The following ZIC4 variants were observed in gnomAD, a reference collection of about 807,000 sequenced individuals.
The protein encoded by ZIC4 is zinc finger protein ZIC 4.
In ZIC4, 15 loss-of-function variants were observed where a neutral mutation model predicts 28.8. That is an observed-to-expected ratio of 0.52 (90% CI 0.35 to 0.80). The LOEUF is 0.80. Ranked by LOEUF, ZIC4 falls within the 30% of genes least tolerant of loss-of-function variation. ZIC4 has a pLI of 0.01. For missense variants in ZIC4, 512 were observed against 467.1 expected, an observed-to-expected ratio of 1.10 and a Z score of -0.89; for synonymous variants, 220 against 198.1, an observed-to-expected ratio of 1.11 and a Z score of -0.93.
chr3:147,398,976 T>C (rs1020518541), intron 2 of ZIC4, among the ~76,000 whole-genome samples: 2 of 152,060 alleles, frequency 1.3e-5, no homozygotes, highest in Non-Finnish European at 1.5e-5. Context: ...GGGTGCACTT[T>C]AGGGAGGGAT....
In ZIC4 at chr3:147,396,371, G is replaced by C; in HGVS notation, c.169C>G (p.Arg57Gly). The change falls in exon 3 of 5, where the codon CGT becomes GGT. Residue 57 changes from arginine (R) to glycine (G), a missense_variant. By Grantham distance (125) the Arg-to-Gly change is moderately radical. This residue lies in a region of ZIC4 where 310 missense variants were observed against 256.5 expected (regional missense o/e 1.21). Transcript: ENST00000383075. The surrounding 1 kb of genome is among the most constrained non-coding windows in gnomAD (Gnocchi z 4.2). ...AGACGCAGGAGTCCATTCAAAGGAC[G>C]GCTGGGGGAGGCCTGGGGAGGCTCC... ...HEEPPQASPS[R>G]PLNGLLRLGL... 6.5e-7 allele frequency: 1 copy of C among 1,543,258 alleles called. No homozygotes were observed. Among genetic ancestry groups the C allele is most frequent in the East Asian group, 2.3e-5 (1 of 44,370 alleles).
rs765908678 is a variant in ZIC4, at chr3:147,402,800, T to C, written c.-3A>G. On this transcript the variant is annotated 5_prime_UTR_variant, in exon 2 of 5. Coordinates refer to ENST00000383075, the MANE Select transcript of ZIC4 (RefSeq NM_032153.6). Reference sequence around the variant, plus strand: ...ACCAAGGATGTCTTGTATCTCATTTTCTGACTTTGAGCCTGTTTGGGAAGA... The same window carrying C: ...ACCAAGGATGTCTTGTATCTCATTTCCTGACTTTGAGCCTGTTTGGGAAGA... 1 of 1,613,740 alleles carries C rather than the reference T, an allele frequency of 6.2e-7. No individual in the cohort carries two copies. The highest frequency in any genetic ancestry group is 1.7e-5 in the Admixed American group (1 of 59,954).
chr3:147,398,142 G>T (rs1357756620), intron 2 of ZIC4, among the ~76,000 whole-genome samples: 1 of 152,196 alleles, frequency 6.6e-6, no homozygotes, highest in African/African-American at 2.4e-5. Flanking sequence ...AAGGAGTCGG[G>T]CGTGGATCCA....
At chr3:147,397,954 C>G (rs909467566) in intron 2 of ZIC4, among the ~76,000 whole-genome samples, 2 of 152,136 alleles carry the variant, frequency 1.3e-5, no homozygotes, top group Non-Finnish European at 2.9e-5. Flanking sequence ...GGCCCCTCCT[C>G]CCCGGTGTTG....
Position 147,396,184 on chromosome 3 carries a change from T to C in ZIC4, c.356A>G (p.Tyr119Cys). 6.2e-7 allele frequency: 1 copy of C among 1,614,102 alleles called. No homozygotes were observed. ...APHGPGAFFR[Y>C]MRQPIKQELI... ...CTCCTGTTTGATGGGCTGGCGCATG[T>C]AGCGGAAGAAAGCGCCAGGACCGTG... Residue 119 changes from tyrosine (Y) to cysteine (C), a missense_variant, in exon 3 of 5, where the codon TAC becomes TGC. By Grantham distance (194) the Tyr-to-Cys change is radical. Transcript: ENST00000383075. The surrounding 1 kb of genome is among the most constrained non-coding windows in gnomAD (Gnocchi z 4.2).
intron 2 of ZIC4, among the ~76,000 whole-genome samples, chr3:147,401,618 C>G (rs1036488614): frequency 2.0e-5 from 3 of 152,134 alleles, no homozygotes; most frequent in Non-Finnish European, 4.4e-5. Flanking sequence ...AGGGAGTTTG[C>G]CTCTATTCTT....
At chr3:147,397,457 C>T (rs1346301978) in intron 2 of ZIC4, among the ~76,000 whole-genome samples, 2 of 152,186 alleles carry the variant, frequency 1.3e-5, no homozygotes, top group African/African-American at 4.8e-5. Flanking sequence ...TGCTCATGCG[C>T]TCTGACCCGG....
At chr3:147,401,907 A>C (rs924356812) in intron 2 of ZIC4, among the ~76,000 whole-genome samples, 3 of 152,210 alleles carry the variant, frequency 2.0e-5, no homozygotes, top group Non-Finnish European at 4.4e-5. Flanking sequence ...AAAGAATCAA[A>C]ACAACTGAAT....
In ZIC4 at chr3:147,391,544, T is replaced by A. The variant is rs1356414818; in HGVS notation, c.689-298A>T. The stretch of plus-strand genomic sequence containing the variant: ...GAGTTTCCATCCTCGAAAATCCTGA[T>A]CCACTCGGGTTGTTTCCTCCAAATT... On this transcript the variant is annotated intron_variant, in intron 3 of 4. Transcript: ENST00000383075. The A allele has an allele frequency of 1.3e-5, 4 of 301,456 alleles. No individual in the cohort carries two copies. The East Asian group carries it at 2.3e-4, about 17-fold the overall frequency. The allele number at this position is 301,456 out of a possible 1,614,324, so 18.7% of individuals were successfully genotyped here.
chr3:147,392,151 C>CGAGG (rs2086938426), intron 3 of ZIC4: 1 of 985,486 alleles, frequency 1.0e-6, no homozygotes. Flanking sequence ...GGTCCTAAGA[C>CGAGG]GAGGGGTTGG....
rs946611422 is a variant in ZIC4, at chr3:147,386,702, G to A, written c.*2157C>T. On this transcript the variant is annotated 3_prime_UTR_variant, in exon 5 of 5. Coordinates refer to ENST00000383075, the MANE Select transcript of ZIC4 (RefSeq NM_032153.6). ...CAATATAAAATGAACAACTTCACAC[G>A]TGAATGAAGGGAAGGATGGGCATTT... The A allele has an allele frequency of 6.6e-5, 10 of 152,244 alleles. No homozygotes were observed. The highest frequency in any genetic ancestry group is 1.2e-4 in the Non-Finnish European group (8 of 68,046). 9.4% of individuals were successfully genotyped at this position (152,244 alleles called of 1,614,324 possible). A position where few individuals can be genotyped will look rare whatever the true frequency, so the allele number is the denominator to read the frequency against.
chr3:147,397,539 C>T (rs1322162461), intron 2 of ZIC4, among the ~76,000 whole-genome samples: 1 of 152,066 alleles, frequency 6.6e-6, no homozygotes, highest in Non-Finnish European at 1.5e-5. Flanking sequence ...TCAGCTTTGA[C>T]TCAGGGCTCC....
chr3:147,399,142 C>T (rs1437159205), intron 2 of ZIC4, among the ~76,000 whole-genome samples: 2 of 152,112 alleles, frequency 1.3e-5, no homozygotes, highest in Non-Finnish European at 2.9e-5. Flanking sequence ...CCACTCCCTA[C>T]TCTCAAAACC....
rs1177693346 is a variant in ZIC4, at chr3:147,402,805, C to A, written c.-8G>T. Reference sequence around the variant, plus strand: ...GGATGTCTTGTATCTCATTTTCTGACTTTGAGCCTGTTTGGGAAGAAAAGA... The same window carrying A: ...GGATGTCTTGTATCTCATTTTCTGAATTTGAGCCTGTTTGGGAAGAAAAGA... On this transcript the variant is annotated 5_prime_UTR_variant, in exon 2 of 5. Coordinates refer to ENST00000383075, the MANE Select transcript of ZIC4 (RefSeq NM_032153.6). 6.2e-7 allele frequency: 1 copy of A among 1,613,488 alleles called. No homozygotes were observed. Among genetic ancestry groups the A allele is most frequent in the Admixed American group, 1.7e-5 (1 of 59,902 alleles).
At chr3:147,399,814 C>CA (rs1480592052) in intron 2 of ZIC4, among the ~76,000 whole-genome samples, 1 of 152,028 alleles carries the variant, frequency 6.6e-6, no homozygotes, top group East Asian at 1.9e-4. Flanking sequence ...TACAGGCACC[C>CA]AGCATCATGC....
chr3:147,395,357 A>T (rs998529355), intron 3 of ZIC4, among the ~76,000 whole-genome samples: 1 of 152,114 alleles, frequency 6.6e-6, no homozygotes, highest in East Asian at 1.9e-4. Flanking sequence ...AAGGCTCAAA[A>T]ATACGTACAA....
chr3:147,400,084 T>C (rs1691281335), intron 2 of ZIC4, among the ~76,000 whole-genome samples: 3 of 152,226 alleles, frequency 2.0e-5, no homozygotes, highest in South Asian at 4.1e-4. Flanking sequence ...TTAGGAAGCC[T>C]GGTGAGTCTG....
chr3:147,405,280 C>T, intron 1 of ZIC4: 1 of 1,243,938 alleles, frequency 8.0e-7, no homozygotes, highest in Non-Finnish European at 1.1e-6. Flanking sequence ...CTCCCCCAAC[C>T]TGCAGGCGGC....
chr3:147,388,544 G>T lies in ZIC4; in HGVS notation c.*315C>A. 1 of 388,440 alleles carries T rather than the reference G, an allele frequency of 2.6e-6. No individual in the cohort carries two copies. The highest frequency in any genetic ancestry group is 4.6e-6 in the Non-Finnish European group (1 of 219,652). 24.1% of individuals were successfully genotyped at this position (388,440 alleles called of 1,614,324 possible). On this transcript the variant is annotated 3_prime_UTR_variant, in exon 5 of 5. Transcript: ENST00000383075. ...TCGGGTACAAGTGCCCATTCGCGTG[G>T]GTTTTGTTTACCGGAAATTAAATGA...
Sources: gnomAD v4.1 joint callset for allele counts (sites outside exome capture counted in the v4.1 genomes callset) on GRCh38, gnomAD v4.1.1 for gene constraint, gnomAD v4.1.1 regional missense constraint, Gnocchi (gnomAD v3.1) non-coding constraint, MANE v1.5 for transcripts, NCBI Gene and HGNC (gene_info 2026-07-23, HGNC 2026-07-21) for gene names.